Variants in NXPE2 observed in about 807,000 individuals in gnomAD.
The protein encoded by NXPE2 is NXPE family member 2.
A neutral mutation model predicts 34.4 loss-of-function variants in NXPE2; 34 were observed. The ratio of observed to expected loss-of-function variants is 0.99; its 90% CI spans 0.75 to 1.31. NXPE2 has a LOEUF of 1.31. Among genes scored for constraint, NXPE2 ranks in the 40% most tolerant of loss-of-function variants. NXPE2 has a pLI of 0.00. For missense variants in NXPE2, 649 were observed against 672.5 expected (o/e 0.97, Z 0.39); for synonymous variants, 235 against 231.3 (o/e 1.02, Z -0.15).
chr11:114,582,989 G>C, the NXPE2 span: 1 of 1,613,502 alleles, frequency 6.2e-7, no homozygotes, highest in Admixed American at 1.7e-5. Context: ...TCCAGTAATG[G>C]AGGGAGATGG....
the NXPE2 span, among the ~76,000 whole-genome samples, chr11:114,804,610 C>G: frequency 6.6e-6 from 1 of 151,922 alleles, no homozygotes; most frequent in Non-Finnish European, 1.5e-5. Context: ...TTTTATTTGC[C>G]CCTTAAAATG....
chr11:114,610,447 G>A, the NXPE2 span, among the ~76,000 whole-genome samples: 5 of 151,616 alleles, frequency 3.3e-5, no homozygotes, highest in South Asian at 2.1e-4. Context: ...ACTGTTTCCC[G>A]GTGGATAATA....
At chr11:114,570,125 A>G in the NXPE2 span, among the ~76,000 whole-genome samples, 4 of 152,208 alleles carry the variant, frequency 2.6e-5, no homozygotes, top group Non-Finnish European at 5.9e-5. Context: ...GTTTAAAAGT[A>G]GGAAAAGCCC....
At chr11:114,554,259 T>C in the NXPE2 span, 1 of 971,656 alleles carries the variant, frequency 1.0e-6, no homozygotes, top group Non-Finnish European at 1.2e-6. Flanking sequence ...TGTATTTGAC[T>C]GTGGCCAGGA....
the NXPE2 span, among the ~76,000 whole-genome samples, chr11:114,716,264 G>A: frequency 6.6e-6 from 1 of 152,214 alleles, no homozygotes; most frequent in East Asian, 1.9e-4. Flanking sequence ...CTGATTACCT[G>A]GCAGCTTGTT....
At chr11:114,744,744 A>G in the NXPE2 span, among the ~76,000 whole-genome samples, 1 of 152,184 alleles carries the variant, frequency 6.6e-6, no homozygotes, top group Non-Finnish European at 1.5e-5. Flanking sequence ...CAGGAGGTTG[A>G]GGCTGCAGTG....
chr11:114,573,894 AAG>A, the NXPE2 span, among the ~76,000 whole-genome samples: 1 of 152,124 alleles, frequency 6.6e-6, no homozygotes, highest in South Asian at 2.1e-4. Context: ...TCTACCCAAA[AAG>A]TGAAGAATAT....
At chr11:114,737,392 TA>T in the NXPE2 span, among the ~76,000 whole-genome samples, 3 of 152,062 alleles carry the variant, frequency 2.0e-5, no homozygotes, top group Non-Finnish European at 2.9e-5. Flanking sequence ...AGAATGGGTT[TA>T]AAAAAGAAAC....
chr11:114,578,054 A>G, the NXPE2 span, among the ~76,000 whole-genome samples: 2 of 152,176 alleles, frequency 1.3e-5, no homozygotes, highest in Non-Finnish European at 1.5e-5. Context: ...CATTAATTAG[A>G]CTTTTATCAG....
the NXPE2 span, chr11:114,581,618 A>G: frequency 4.6e-6 from 4 of 874,086 alleles, no homozygotes; most frequent in East Asian, 7.9e-5. Context: ...AAGCCAGATG[A>G]ACAGAGTGCT....
the NXPE2 span, chr11:114,582,463 A>G: frequency 6.2e-7 from 1 of 1,614,082 alleles, no homozygotes; most frequent in Non-Finnish European, 8.5e-7. Flanking sequence ...ATCAGGCCAC[A>G]TTCAGAGTGG....
At chr11:114,683,173 C>T (rs952728553) in intron 2 of NXPE2, among the ~76,000 whole-genome samples, 1 of 151,834 alleles carries the variant, frequency 6.6e-6, no homozygotes, top group Admixed American at 6.6e-5. Flanking sequence ...TAAAATAAAT[C>T]CTCTTATTGT....
the NXPE2 span, among the ~76,000 whole-genome samples, chr11:114,739,083 A>G: frequency 6.6e-6 from 1 of 152,136 alleles, no homozygotes; most frequent in African/African-American, 2.4e-5. Flanking sequence ...TAAGCAGGCA[A>G]GTTTAAAGTG....
the NXPE2 span, among the ~76,000 whole-genome samples, chr11:114,640,601 C>T: frequency 6.6e-6 from 1 of 151,942 alleles, no homozygotes; most frequent in African/African-American, 2.4e-5. Context: ...CTTTTCACCA[C>T]ATCTTCACGA....
chr11:114,490,939 G>T, the NXPE2 span, among the ~76,000 whole-genome samples: 1 of 151,062 alleles, frequency 6.6e-6, no homozygotes, highest in African/African-American at 2.4e-5. Flanking sequence ...GAGGCGGGTG[G>T]ATCATGAGGT....
At chr11:114,723,465 C>A in the NXPE2 span, among the ~76,000 whole-genome samples, 141,005 of 152,158 alleles carry the variant, frequency 0.93, 65,356 homozygotes, top group African/African-American at 0.93. Flanking sequence ...AGGAAGAGGG[C>A]GAAAAACTGA....
At chr11:114,788,958 TAGAC>T in the NXPE2 span, among the ~76,000 whole-genome samples, 12 of 152,228 alleles carry the variant, frequency 7.9e-5, 1 homozygote, top group African/African-American at 2.7e-4. Context: ...TCATGCCAAA[TAGAC>T]AGAGCAAGGC....
the NXPE2 span, among the ~76,000 whole-genome samples, chr11:114,555,840 G>A: frequency 6.6e-6 from 1 of 152,144 alleles, no homozygotes; most frequent in Non-Finnish European, 1.5e-5. Context: ...GATTCATCAA[G>A]GTTGCATTTA....
the NXPE2 span, among the ~76,000 whole-genome samples, chr11:114,672,780 C>G: frequency 6.6e-6 from 1 of 151,606 alleles, no homozygotes; most frequent in African/African-American, 2.4e-5. Context: ...AAAATATAAG[C>G]ATTTAACAAT....
Sources: allele counts gnomAD v4.1 joint callset (sites outside exome capture counted in the v4.1 genomes callset), GRCh38; gene constraint gnomAD v4.1.1; transcripts MANE v1.5; gene names NCBI Gene and HGNC (gene_info 2026-07-23, HGNC 2026-07-21).